The following CMC2 variants were observed in gnomAD, a reference collection of about 807,000 sequenced individuals.
CMC2 encodes C-X9-C motif containing 2, also known as COX assembly mitochondrial protein 2 homolog.
Under a neutral mutation model 7.5 loss-of-function variants are expected in CMC2, and 5 were observed. The ratio of observed to expected loss-of-function variants is 0.66; its 90% CI spans 0.35 to 1.40. The LOEUF (loss-of-function observed/expected upper bound fraction) is 1.40, where lower values mean the gene tolerates loss of function less well. Ranked by LOEUF, CMC2 falls within the 40% of genes most tolerant of loss-of-function variation. The probability of loss-of-function intolerance (pLI) is 0.04; values close to 1 mark genes in which losing one functional copy is unlikely to be tolerated. For missense variants in CMC2, 115 were observed against 92.3 expected, an observed-to-expected ratio of 1.25 and a Z score of -1.01; for synonymous variants, 37 against 31.4, an observed-to-expected ratio of 1.18 and a Z score of -0.60.
At position 80,966,665 on chromosome 16, in the gene CMC2, G is replaced by A. The variant is rs968669909; in HGVS notation, c.*9428C>T. On this transcript the variant is annotated 3_prime_UTR_variant, in exon 4 of 4. Transcript: ENST00000219400. ...TATCTTCAGGATGTATCACCTTCTG[G>A]AGATGTAAAGTCAAAATATTGTATT... The A allele has an allele frequency of 5.3e-5, 8 of 152,170 alleles. No homozygotes were observed. In the South Asian group the frequency reaches 1.0e-3, roughly 20 times the overall value. 9.4% of individuals were successfully genotyped at this position (152,170 alleles called of 1,614,324 possible). A position where few individuals can be genotyped will look rare whatever the true frequency, so the allele number is the denominator to read the frequency against.
chr16:80,991,808 A>C, intron 2 of CMC2: 2 of 384,070 alleles, frequency 5.2e-6, no homozygotes, highest in Admixed American at 6.4e-5. Flanking sequence ...GAGGAAAACA[A>C]GACAAATTCA....
rs1246302398 is a variant in CMC2, at chr16:81,006,832, G to A, written c.-134C>T. On this transcript the variant is annotated 5_prime_UTR_variant, in exon 1 of 4. Coordinates refer to ENST00000219400, the MANE Select transcript of CMC2 (RefSeq NM_020188.5). ...TAGGGAGCAGACAGCTGAACCGCTT[G>A]CCAGACGCCGAAACCCAGTGACGCC... 7.1e-6 allele frequency: 7 copies of A among 985,466 alleles called. No individual in the cohort carries two copies. Among genetic ancestry groups the A allele is most frequent in the Non-Finnish European group, 8.4e-6 (7 of 830,062 alleles). The allele number at this position is 985,466 out of a possible 1,614,324, so 61.0% of individuals were successfully genotyped here. A position where few individuals can be genotyped will look rare whatever the true frequency, so the allele number is the denominator to read the frequency against.
intron 1 of CMC2, among the ~76,000 whole-genome samples, chr16:81,005,680 T>G (rs2602420): frequency 0.96 from 145,821 of 152,110 alleles, 70,180 homozygotes; most frequent in East Asian, 1. Context: ...GACCCGGGGG[T>G]GCTGCCTAGG....
chr16:81,004,795 T>C (rs16954476), intron 1 of CMC2, among the ~76,000 whole-genome samples: 9,597 of 152,114 alleles, frequency 0.063, 971 homozygotes, highest in African/African-American at 0.21. Flanking sequence ...TCCTCAAGAG[T>C]AGTCTAAGAC....
chr16:81,005,158 G>A (rs775059916), intron 1 of CMC2, among the ~76,000 whole-genome samples: 1 of 152,232 alleles, frequency 6.6e-6, no homozygotes, highest in Non-Finnish European at 1.5e-5. Context: ...GCTAGGCGCG[G>A]TGGCTCACGC....
At chr16:80,976,983 C>T (rs1000069896) in intron 3 of CMC2, among the ~76,000 whole-genome samples, 1 of 152,068 alleles carries the variant, frequency 6.6e-6, no homozygotes, top group South Asian at 2.1e-4. Flanking sequence ...AAATTGAATA[C>T]AGTGCTCCAG....
chr16:80,983,350 T>C (rs1209776148), intron 2 of CMC2: 2 of 152,210 alleles, frequency 1.3e-5, no homozygotes, highest in African/African-American at 4.8e-5. Flanking sequence ...TGGTTCTTCT[T>C]ACAAAGAAGG....
Position 80,974,887 on chromosome 16 carries a change from C to A in CMC2, c.*1206G>T, listed in dbSNP as rs118122354. The A allele has an allele frequency of 6.6e-6, 1 of 152,216 alleles. No homozygotes were observed. Among genetic ancestry groups the A allele is most frequent in the Non-Finnish European group, 1.5e-5 (1 of 68,042 alleles). 9.4% of individuals were successfully genotyped at this position (152,216 alleles called of 1,614,324 possible). The stretch of plus-strand genomic sequence containing the variant: ...AATGTCTGTTATGCTCTGTAATCGA[C>A]GTACTGAGCGAAAGTCCAGCTTCTT... On this transcript the variant is annotated 3_prime_UTR_variant, in exon 4 of 4. Coordinates refer to ENST00000219400, the MANE Select transcript of CMC2 (RefSeq NM_020188.5).
chr16:80,987,242 G>A (rs1347760576), intron 2 of CMC2, among the ~76,000 whole-genome samples: 1 of 152,090 alleles, frequency 6.6e-6, no homozygotes, highest in Non-Finnish European at 1.5e-5. Context: ...GGAATCTTAT[G>A]TATTTATTTT....
intron 3 of CMC2, among the ~76,000 whole-genome samples, chr16:80,978,949 T>C (rs1217634026): frequency 5.3e-5 from 8 of 151,896 alleles, no homozygotes; most frequent in Admixed American, 2.6e-4. Context: ...GGCGTGGTGG[T>C]GGGCACCTGT....
chr16:80,996,946 T>C, intron 2 of CMC2: 1 of 428,482 alleles, frequency 2.3e-6, no homozygotes, highest in Non-Finnish European at 4.6e-6. Flanking sequence ...ATGGTAGCCA[T>C]CAAAGAGCAG....
At chr16:81,004,272 AG>A (rs1969077419) in intron 1 of CMC2, among the ~76,000 whole-genome samples, 1 of 152,204 alleles carries the variant, frequency 6.6e-6, no homozygotes, top group East Asian at 1.9e-4. Flanking sequence ...CGAAAGTGAA[AG>A]GAACATAAGA....
At chr16:80,983,217 G>A (rs948947504) in intron 2 of CMC2, 2 of 147,422 alleles carry the variant, frequency 1.4e-5, no homozygotes, top group Non-Finnish European at 3.0e-5. Flanking sequence ...CAGACAACAG[G>A]AAACTCTCAG....
chr16:80,978,527 G>C (rs938802445), intron 3 of CMC2: 1 of 425,440 alleles, frequency 2.4e-6, no homozygotes, highest in Admixed American at 3.8e-5. Context: ...ACAATTAAGA[G>C]GGACAAAAGA....
chr16:80,988,539 C>A (rs1373655653), intron 2 of CMC2: 2 of 701,842 alleles, frequency 2.8e-6, no homozygotes, highest in Non-Finnish European at 5.2e-6. Context: ...CTAGCTCTTA[C>A]ATATACACCC....
In CMC2 at chr16:80,997,605, A is replaced by G. The variant is rs116985065; in HGVS notation, c.-35-176T>C. ...CAAAGCTTTCTAATTCAATGATTTA[A>G]GATATTCAGCAAGTTATCAGTAGTA... On this transcript the variant is annotated intron_variant, in intron 1 of 3. Coordinates refer to ENST00000219400, the MANE Select transcript of CMC2 (RefSeq NM_020188.5). The G allele has an allele frequency of 5.5e-3, 2,506 of 457,778 alleles. 18 individuals are homozygous for G. Among genetic ancestry groups the G allele is most frequent in the Non-Finnish European group, 6.9e-3 (1,766 of 255,120 alleles). 28.4% of individuals were successfully genotyped at this position (457,778 alleles called of 1,614,324 possible).
chr16:80,979,576 T>C (rs945847597), intron 3 of CMC2, among the ~76,000 whole-genome samples: 7 of 152,196 alleles, frequency 4.6e-5, no homozygotes, highest in African/African-American at 1.7e-4. Flanking sequence ...ATATGAGCTA[T>C]ATTTTTCCAT....
At chr16:81,000,810 C>T (rs1368714456) in intron 1 of CMC2, among the ~76,000 whole-genome samples, 2 of 152,192 alleles carry the variant, frequency 1.3e-5, no homozygotes, top group Non-Finnish European at 2.9e-5. Flanking sequence ...GAGCTTAAAA[C>T]AGCTACCACT....
Position 80,971,619 on chromosome 16 carries a change from A to G in CMC2, c.*4474T>C, listed in dbSNP as rs979516988. The stretch of plus-strand genomic sequence containing the variant: ...TCATGCATATATATATATGTATGAA[A>G]TCATGCATGAGAATGAAATATATCA... On this transcript the variant is annotated 3_prime_UTR_variant, in exon 4 of 4. Coordinates refer to ENST00000219400, the MANE Select transcript of CMC2 (RefSeq NM_020188.5). 7.5e-6 allele frequency: 1 copy of G among 133,738 alleles called. No homozygotes were observed. Among genetic ancestry groups the G allele is most frequent in the African/African-American group, 3.2e-5 (1 of 30,820 alleles). The allele number at this position is 133,738 out of a possible 1,614,324, so 8.3% of individuals were successfully genotyped here.
Sources: allele counts gnomAD v4.1 joint callset (sites outside exome capture counted in the v4.1 genomes callset), GRCh38; gene constraint gnomAD v4.1.1; transcripts MANE v1.5; gene names NCBI Gene and HGNC (gene_info 2026-07-23, HGNC 2026-07-21).